DGKB: variants seen among roughly 807,000 people sequenced by gnomAD.
The protein encoded by DGKB is diacylglycerol kinase beta, also known as 90 kDa diacylglycerol kinase.
In DGKB, 67 loss-of-function variants were observed where a neutral mutation model predicts 114.3. The ratio of observed to expected loss-of-function variants is 0.59; its 90% CI spans 0.48 to 0.72. DGKB has a LOEUF of 0.72. DGKB is among the 30% of genes least tolerant of loss of function. DGKB has a pLI of 0.00. For missense variants in DGKB, 907 were observed against 975.2 expected, an observed-to-expected ratio of 0.93 and a Z score of 0.93; for synonymous variants, 398 against 323.1, an observed-to-expected ratio of 1.23 and a Z score of -2.49.
chr7:14,544,323 C>T (rs527395510), intron 20 of DGKB, among the ~76,000 whole-genome samples: 1 of 152,272 alleles, frequency 6.6e-6, no homozygotes, highest in African/African-American at 2.4e-5. Flanking sequence ...ATTTCTCTGA[C>T]ATTTTGTTTG....
At chr7:14,231,042 C>T (rs552507395) in intron 23 of DGKB, among the ~76,000 whole-genome samples, 3 of 152,142 alleles carry the variant, frequency 2.0e-5, no homozygotes, top group East Asian at 1.9e-4. Context: ...TGTTGGCTGA[C>T]GAATTGTATT....
intron 1 of DGKB, among the ~76,000 whole-genome samples, chr7:14,857,258 T>TTGTGTGTATGTGTGTGTGTGTGTGTG: frequency 7.2e-6 from 1 of 138,356 alleles, no homozygotes; most frequent in East Asian, 2.5e-4. Context: ...CTGTGTGTGT[T>TTGTGTGTATGTGTGTGTGTGTGTGTG]TGTGTGTGTG....
At chr7:14,400,222 G>A (rs912003257) in intron 21 of DGKB, among the ~76,000 whole-genome samples, 35 of 151,784 alleles carry the variant, frequency 2.3e-4, no homozygotes, top group Admixed American at 2.0e-3. Context: ...CATAATGCAT[G>A]TTCAGTAAAT....
rs973847744 is a variant in DGKB at position 14,145,180 on chromosome 7, G to C, written c.*3951C>G. ...GTTATACAGAATCTCTCAAATGTGA[G>C]TTTACTCAAACTTTATTTAAATATA... On this transcript the variant is annotated 3_prime_UTR_variant, in exon 26 of 26. Coordinates refer to ENST00000402815, the MANE Select transcript of DGKB (RefSeq NM_001350709.2). 4 of 152,108 alleles carry C rather than the reference G, an allele frequency of 2.6e-5. No individual in the cohort carries two copies. Among genetic ancestry groups the C allele is most frequent in the Admixed American group, 6.6e-5 (1 of 15,260 alleles). 9.4% of individuals were successfully genotyped at this position (152,108 alleles called of 1,614,324 possible).
intron 13 of DGKB, among the ~76,000 whole-genome samples, chr7:14,655,126 C>T (rs994473924): frequency 6.6e-6 from 1 of 151,838 alleles, no homozygotes; most frequent in African/African-American, 2.4e-5. Context: ...TATCTACAAA[C>T]TATTTACCTG....
At chr7:14,287,175 C>T (rs1254452302) in intron 23 of DGKB, among the ~76,000 whole-genome samples, 7 of 152,054 alleles carry the variant, frequency 4.6e-5, no homozygotes, top group Non-Finnish European at 8.8e-5. Context: ...ACCCTAAAGA[C>T]TCTAGAATTC....
chr7:14,747,775 G>GCGCGCATGCGCGCGCGCACACACA, intron 4 of DGKB, among the ~76,000 whole-genome samples: 3 of 149,178 alleles, frequency 2.0e-5, no homozygotes, highest in African/African-American at 7.6e-5. Flanking sequence ...ACATCCACGC[G>GCGCGCATGCGCGCGCGCACACACA]CACGCACACA....
chr7:14,820,277 TC>T (rs1218971413), intron 2 of DGKB, among the ~76,000 whole-genome samples: 1 of 152,186 alleles, frequency 6.6e-6, no homozygotes, highest in African/African-American at 2.4e-5. Flanking sequence ...AAAATACTAC[TC>T]CTTTATTATT....
At chr7:14,631,050 G>A (rs907456770) in intron 13 of DGKB, among the ~76,000 whole-genome samples, 12 of 151,478 alleles carry the variant, frequency 7.9e-5, no homozygotes, top group Non-Finnish European at 1.3e-4. Context: ...ATGCTGGAAC[G>A]GGAGAAGAAA....
intron 23 of DGKB, among the ~76,000 whole-genome samples, chr7:14,321,065 C>T (rs943142161): frequency 6.6e-5 from 10 of 152,038 alleles, no homozygotes; most frequent in East Asian, 5.8e-4. Context: ...ATGAGGCGGG[C>T]GGATGACTTG....
At chr7:14,183,602 A>G (rs1472199779) in intron 23 of DGKB, among the ~76,000 whole-genome samples, 1 of 152,028 alleles carries the variant, frequency 6.6e-6, no homozygotes, top group Non-Finnish European at 1.5e-5. Flanking sequence ...TCCATTTAAG[A>G]CTCTCAACAG....
intron 2 of DGKB, among the ~76,000 whole-genome samples, chr7:14,830,921 GTGTGTGCA>G (rs1172662458): frequency 6.6e-6 from 1 of 151,898 alleles, no homozygotes; most frequent in Non-Finnish European, 1.5e-5. Context: ...ACATGCACAT[GTGTGTGCA>G]TGTGTGCATG....
At chr7:14,715,216 G>T (rs1324851364) in intron 6 of DGKB, among the ~76,000 whole-genome samples, 2 of 152,142 alleles carry the variant, frequency 1.3e-5, no homozygotes, top group Non-Finnish European at 2.9e-5. Context: ...GTAGGAAAGT[G>T]AGAAGTTAAG....
chr7:14,537,017 A>G (rs1792619513), intron 20 of DGKB, among the ~76,000 whole-genome samples: 1 of 152,178 alleles, frequency 6.6e-6, no homozygotes, highest in Admixed American at 6.5e-5. Flanking sequence ...ATTTCTATCC[A>G]CAAACTATGA....
At chr7:14,537,052 T>C (rs958524015) in intron 20 of DGKB, among the ~76,000 whole-genome samples, 2 of 151,922 alleles carry the variant, frequency 1.3e-5, no homozygotes, top group Non-Finnish European at 2.9e-5. Flanking sequence ...AAATCAGAAA[T>C]ACCGTCCCAT....
At chr7:14,701,478 A>G (rs1825165325) in intron 7 of DGKB, among the ~76,000 whole-genome samples, 1 of 152,218 alleles carries the variant, frequency 6.6e-6, no homozygotes, top group East Asian at 1.9e-4. Flanking sequence ...GTGGTATGCA[A>G]AACTATTCAG....
rs34838441 is a variant in DGKB, at chr7:14,841,454, CAAA to C, written c.-187-7_-187-5del. The C allele has an allele frequency of 0.095, 34,469 of 362,870 alleles. 3,217 individuals are homozygous for C. The highest frequency in any genetic ancestry group is 0.33 in the East Asian group (8,266 of 25,076). The allele number at this position is 362,870 out of a possible 1,614,324, so 22.5% of individuals were successfully genotyped here. A position where few individuals can be genotyped will look rare whatever the true frequency, so the allele number is the denominator to read the frequency against. Reference sequence around the variant, plus strand: ...ATTTCAATAATGTGTTAAAGAACTGCAAAAAAAAAAAACAGATCAAGATCAAAA... The same window carrying C: ...ATTTCAATAATGTGTTAAAGAACTGCAAAAAAAAACAGATCAAGATCAAAA... On this transcript the variant is annotated splice_region_variant and splice_polypyrimidine_tract_variant and intron_variant, in intron 1 of 25. Coordinates refer to ENST00000402815, the MANE Select transcript of DGKB (RefSeq NM_001350709.2).
At chr7:14,178,230 A>G (rs1782076413) in intron 23 of DGKB, 79 bp from the exon 24 acceptor site, 4 of 1,443,946 alleles carry the variant, frequency 2.8e-6, no homozygotes, top group African/African-American at 2.9e-5. Context: ...TATTATGGAG[A>G]TTAAAAAAAA....
chr7:14,822,524 T>C (rs942055086), intron 2 of DGKB, among the ~76,000 whole-genome samples: 3 of 152,180 alleles, frequency 2.0e-5, no homozygotes, highest in Non-Finnish European at 4.4e-5. Context: ...GTTAAAACTA[T>C]TGACCATTAG....
Sources: allele counts gnomAD v4.1 joint callset (sites outside exome capture counted in the v4.1 genomes callset), GRCh38; gene constraint gnomAD v4.1.1; transcripts MANE v1.5; gene names NCBI Gene and HGNC (gene_info 2026-07-23, HGNC 2026-07-21).